The following ADCY9 variants were observed in gnomAD, a reference collection of about 807,000 sequenced individuals.
The protein encoded by ADCY9 is adenylate cyclase 9, also known as adenylate cyclase type 9.
Under a neutral mutation model 101.5 loss-of-function variants are expected in ADCY9, and 50 were observed. That is an observed-to-expected ratio of 0.49 (90% CI 0.39 to 0.62). ADCY9 has a LOEUF of 0.62. Among genes scored for constraint, ADCY9 ranks in the 20% least tolerant of loss-of-function variants. The pLI, the probability that ADCY9 is intolerant of heterozygous loss-of-function variation, is 0.00. For synonymous variants in ADCY9, 905 were observed against 769.3 expected (o/e 1.18, Z -2.92); for missense variants, 1,662 against 1,800.4 (o/e 0.92, Z 1.39).
At chr16:4,007,251 C>T (rs1010567214) in intron 3 of ADCY9, 117 bp downstream of exon 3, 10 of 828,524 alleles carry the variant, frequency 1.2e-5, no homozygotes, top group South Asian at 2.6e-5. Context: ...AAAACCAAAT[C>T]GAAGGTCATT....
intron 6 of ADCY9, among the ~76,000 whole-genome samples, chr16:3,984,823 C>T (rs1355509739): frequency 4.6e-5 from 7 of 152,206 alleles, no homozygotes; most frequent in Admixed American, 1.3e-4. Flanking sequence ...TGGAGACGCA[C>T]GGAGCGGAAA....
In ADCY9 at chr16:3,962,970, G is replaced by C. The variant is rs1432915845; in HGVS notation, c.*2805C>G. On this transcript the variant is annotated 3_prime_UTR_variant, in exon 11 of 11. Transcript: ENST00000294016. ...GCAAATGTGCAGGGGGAGCCCCCGCGGGTGACGTCAGTGTGGATGAAGTCA... is the reference window on the plus strand; with the variant it reads ...GCAAATGTGCAGGGGGAGCCCCCGCCGGTGACGTCAGTGTGGATGAAGTCA... 6.5e-6 allele frequency: 1 copy of C among 153,180 alleles called. No individual in the cohort carries two copies. The highest frequency in any genetic ancestry group is 1.5e-5 in the Non-Finnish European group (1 of 68,710). 9.5% of individuals were successfully genotyped at this position (153,180 alleles called of 1,614,324 possible). A position where few individuals can be genotyped will look rare whatever the true frequency, so the allele number is the denominator to read the frequency against.
At chr16:3,961,602 G>A (rs113222045), downstream of ADCY9, among the ~76,000 whole-genome samples, 4 of 152,096 alleles carry the variant, frequency 2.6e-5, no homozygotes, top group East Asian at 1.9e-4. Context: ...CATTGGCCCC[G>A]GGCTCCAGCA....
chr16:3,961,160 C>T (rs940406478), downstream of ADCY9, among the ~76,000 whole-genome samples: 6 of 152,150 alleles, frequency 3.9e-5, no homozygotes, highest in East Asian at 1.9e-4. Flanking sequence ...GAAAGACCCA[C>T]GTTCTGGCTG....
rs1243592563 is a variant in ADCY9, at chr16:4,114,837, G to C, written c.606C>G (p.Gly202=). 1 of 1,613,516 alleles carries C rather than the reference G, an allele frequency of 6.2e-7. No homozygotes were observed. ...CTGTGGCCGTAAGGTTGGAGCTGTC[G>C]CCGCGTCCTGAGACAGGCGTCAAGA... ...FQVLTPVSGR[G]DSSNLTATAR... Residue 202 remains glycine, a synonymous_variant, in exon 2 of 11, where the codon GGC becomes GGG. Transcript: ENST00000294016. This position sits in a 1 kb window ranked among gnomAD's most constrained non-coding sequence, Gnocchi z 4.3.
Position 3,963,603 on chromosome 16 carries a change from G to C in ADCY9, c.*2172C>G. The C allele has an allele frequency of 2.8e-6, 1 of 360,104 alleles. No homozygotes were observed. The highest frequency in any genetic ancestry group is 4.0e-5 in the East Asian group (1 of 24,996). The allele number at this position is 360,104 out of a possible 1,614,324, so 22.3% of individuals were successfully genotyped here. On this transcript the variant is annotated 3_prime_UTR_variant, in exon 11 of 11. Transcript: ENST00000294016. ...GGGGTGAGGAATCACAAACACCTTTGTGGTTGGGGAAGGAAATGGGCTTGA... is the reference window on the plus strand; with the variant it reads ...GGGGTGAGGAATCACAAACACCTTTCTGGTTGGGGAAGGAAATGGGCTTGA...
At chr16:4,108,667 C>T (rs61574743) in intron 2 of ADCY9, among the ~76,000 whole-genome samples, 1,795 of 146,186 alleles carry the variant, frequency 0.012, 34 homozygotes, top group African/African-American at 0.042. Context: ...CCACCACGCC[C>T]GGCCCATTTC....
rs559366524 is a variant in ADCY9, at chr16:4,087,585, G to C, written c.1693+26165C>G. On this transcript the variant is annotated intron_variant, in intron 2 of 10. Coordinates refer to ENST00000294016, the MANE Select transcript of ADCY9 (RefSeq NM_001116.4). ...AAAAGAAGAACAACAACAGCTAAGA[G>C]TTTGGCAGAGTTTACTCTGCACAGT... 1.1e-3 allele frequency among the ~76,000 whole-genome samples: 168 copies of C among 150,098 alleles called. 2 individuals carry two copies. Among genetic ancestry groups the C allele is most frequent in the African/African-American group, 3.9e-3 (159 of 41,102 alleles).
chr16:4,059,451 G>A (rs186551954), intron 2 of ADCY9, among the ~76,000 whole-genome samples: 9 of 151,514 alleles, frequency 5.9e-5, no homozygotes, highest in African/African-American at 2.2e-4. Flanking sequence ...GACCTGGGGA[G>A]AGGGGAAGAA....
intron 2 of ADCY9, among the ~76,000 whole-genome samples, chr16:4,045,313 G>A (rs1266094923): frequency 2.0e-5 from 3 of 151,934 alleles, no homozygotes; most frequent in Admixed American, 6.6e-5. Flanking sequence ...GGAGCCAAAC[G>A]CGGCTGGGCA....
In ADCY9 at chr16:4,115,184, A is replaced by T. The variant is rs1278412037; in HGVS notation, c.259T>A (p.Ser87Thr). ...KKLPQLFERA[S>T]SRWWDPKFDS... ...AACTTGGGGTCCCACCAGCGGCTGGAGGCCCTCTCGAACAGCTGGGGCAGC... is the reference window on the plus strand; with the variant it reads ...AACTTGGGGTCCCACCAGCGGCTGGTGGCCCTCTCGAACAGCTGGGGCAGC... Residue 87 changes from serine to threonine, a missense_variant, in exon 2 of 11, where the codon TCC (serine) becomes ACC (threonine). Physicochemically the swap from Ser to Thr is moderately conservative, Grantham distance 58. Around this residue, in one of 5 missense-constraint regions of ADCY9, gnomAD observed 422 missense variants for 392.0 expected, o/e 1.08. Coordinates refer to ENST00000294016, the MANE Select transcript of ADCY9 (RefSeq NM_001116.4). This position sits in a 1 kb window ranked among gnomAD's most constrained non-coding sequence, Gnocchi z 6.2. The T allele has an allele frequency of 6.2e-7, 1 of 1,613,520 alleles. No individual in the cohort carries two copies. The highest frequency in any genetic ancestry group is 8.5e-7 in the Non-Finnish European group (1 of 1,179,986).
intron 5 of ADCY9, among the ~76,000 whole-genome samples, chr16:3,957,592 C>G (rs1442350960): frequency 6.6e-6 from 1 of 152,058 alleles, no homozygotes; most frequent in Admixed American, 6.6e-5. Flanking sequence ...AATAAATGTC[C>G]TAGAGACGCA....
At chr16:4,042,564 C>T (rs1380355299) in intron 2 of ADCY9, among the ~76,000 whole-genome samples, 7 of 152,152 alleles carry the variant, frequency 4.6e-5, no homozygotes. Flanking sequence ...TCCCAGAGGA[C>T]CTGCATTCCA....
At chr16:4,092,739 T>C (rs1346565589) in intron 2 of ADCY9, among the ~76,000 whole-genome samples, 1 of 152,192 alleles carries the variant, frequency 6.6e-6, no homozygotes, top group African/African-American at 2.4e-5. Context: ...ACTCAGACTA[T>C]AGCTGACAAC....
intron 2 of ADCY9, among the ~76,000 whole-genome samples, chr16:4,007,793 T>C (rs1209268246): frequency 6.6e-6 from 1 of 151,234 alleles, no homozygotes; most frequent in South Asian, 2.1e-4. Context: ...CTTGGAGTAA[T>C]GGCTGCATGT....
In ADCY9 at chr16:4,046,647, A is replaced by C. The variant is rs545924506; in HGVS notation, c.1694-39089T>G. Among the ~76,000 whole-genome samples, 514 of 152,292 alleles carry C rather than the reference A, an allele frequency of 3.4e-3. 3 individuals carry two copies. Among genetic ancestry groups the C allele is most frequent in the Non-Finnish European group, 6.5e-3 (444 of 68,024 alleles). ...TAAATCTAGTAATTGTGCCTATCAG[A>C]GTTCTGAAGAAAATAAGACTCAATA... On this transcript the variant is annotated intron_variant, in intron 2 of 10. Transcript: ENST00000294016.
intron 2 of ADCY9, among the ~76,000 whole-genome samples, chr16:4,045,510 G>C (rs565912195): frequency 1.4e-3 from 193 of 141,658 alleles, no homozygotes; most frequent in African/African-American, 4.7e-3. Flanking sequence ...CAGGAGAATT[G>C]CTTGAATCCA....
intron 2 of ADCY9, among the ~76,000 whole-genome samples, chr16:4,057,052 C>T (rs1044128916): frequency 7.4e-6 from 1 of 135,186 alleles, no homozygotes; most frequent in African/African-American, 3.0e-5. Context: ...CCCCCCCCCC[C>T]GCCAATCTTA....
chr16:4,014,557 C>T (rs138168461), intron 2 of ADCY9, among the ~76,000 whole-genome samples: 8,491 of 151,598 alleles, frequency 0.056, 347 homozygotes, highest in Non-Finnish European at 0.086. Context: ...AAGGAATACT[C>T]CTGCCTCAGC....
Sources: allele counts gnomAD v4.1 joint callset (sites outside exome capture counted in the v4.1 genomes callset), GRCh38; gene constraint gnomAD v4.1.1; regional missense constraint gnomAD v4.1.1; non-coding constraint Gnocchi (gnomAD v3.1); transcripts MANE v1.5; gene names NCBI Gene and HGNC (gene_info 2026-07-23, HGNC 2026-07-21).